NRG1: variants seen among roughly 807,000 people sequenced by gnomAD.
NRG1 encodes neuregulin 1, also known as pro-neuregulin-1, membrane-bound isoform.
Under a neutral mutation model 63.8 loss-of-function variants are expected in NRG1, and 18 were observed. The ratio of observed to expected loss-of-function variants is 0.28; its 90% CI spans 0.19 to 0.42. NRG1 has a LOEUF of 0.42. Among genes scored for constraint, NRG1 ranks in the 10% least tolerant of loss-of-function variants. The pLI is 1.00. For missense variants in NRG1, 762 were observed against 814.7 expected, an observed-to-expected ratio of 0.94 and a Z score of 0.79; for synonymous variants, 302 against 301.3, an observed-to-expected ratio of 1.00 and a Z score of -0.02.
At chr8:31,756,091 T>A (rs1181915722) in intron 1 of NRG1, among the ~76,000 whole-genome samples, 1 of 152,054 alleles carries the variant, frequency 6.6e-6, no homozygotes, top group African/African-American at 2.4e-5. Context: ...TGCAAGATCC[T>A]TACAGTCATA....
chr8:32,582,739 T>G lies in NRG1; in HGVS notation c.101-13089T>G, dbSNP rs143681992. Among the ~76,000 whole-genome samples the G allele has an allele frequency of 3.9e-3, 600 of 152,332 alleles. 1 individual carries two copies. Among genetic ancestry groups the G allele is most frequent in the Middle Eastern group, 0.02 (6 of 294 alleles). ...CTTTGTGTTGTCTCCTGAGTCATTT[T>G]CCTGTATAGCCCCGCTGAATAAGCA... On this transcript the variant is annotated intron_variant, in intron 1 of 11. Transcript: ENST00000356819.
At chr8:32,667,783 C>A in intron 5 of NRG1, among the ~76,000 whole-genome samples, 1 of 152,120 alleles carries the variant, frequency 6.6e-6, no homozygotes, top group Non-Finnish European at 1.5e-5. Flanking sequence ...CTGACACACC[C>A]AAACTATTTC....
intron 1 of NRG1, among the ~76,000 whole-genome samples, chr8:31,895,311 G>A (rs1831492159): frequency 6.6e-6 from 1 of 152,252 alleles, no homozygotes; most frequent in Admixed American, 6.5e-5. Flanking sequence ...TTGGCAGAAT[G>A]TCTGCAATTA....
chr8:32,091,164 G>A (rs1168743947), intron 1 of NRG1, among the ~76,000 whole-genome samples: 1 of 151,474 alleles, frequency 6.6e-6, no homozygotes, highest in East Asian at 1.9e-4. Context: ...TGTAGTCCCA[G>A]CTACTCAGGT....
At chr8:31,716,654 C>T (rs1354796090) in intron 1 of NRG1, among the ~76,000 whole-genome samples, 1 of 152,156 alleles carries the variant, frequency 6.6e-6, no homozygotes, top group Non-Finnish European at 1.5e-5. Context: ...AAATATGTCC[C>T]TCAGCTCTAG....
chr8:31,928,708 T>C (rs941894150), intron 1 of NRG1, among the ~76,000 whole-genome samples: 1 of 151,396 alleles, frequency 6.6e-6, no homozygotes, highest in Admixed American at 6.6e-5. Context: ...AAGAATGAAA[T>C]AATATCTTTT....
At chr8:32,548,702 C>A (rs764491027) in exon 1 of NRG1, 4 of 1,561,938 alleles carry the variant, frequency 2.6e-6, no homozygotes, top group Non-Finnish European at 3.5e-6. Flanking sequence ...GAGCCGTCCG[C>A]GTAGAGCGCT....
At chr8:32,140,323 C>T (rs1836080156) in intron 1 of NRG1, among the ~76,000 whole-genome samples, 1 of 152,018 alleles carries the variant, frequency 6.6e-6, no homozygotes, top group Admixed American at 6.6e-5. Flanking sequence ...TCCTTCCTGC[C>T]TATCCAACCT....
chr8:31,772,543 A>G (rs956375906), intron 1 of NRG1, among the ~76,000 whole-genome samples: 1 of 152,124 alleles, frequency 6.6e-6, no homozygotes, highest in Non-Finnish European at 1.5e-5. Context: ...AAATAATAAA[A>G]TTGCCTTGGT....
chr8:32,159,427 T>A (rs4733300), intron 1 of NRG1, among the ~76,000 whole-genome samples: 7 of 147,966 alleles, frequency 4.7e-5, no homozygotes, highest in African/African-American at 1.0e-4. Context: ...CCAGCTACTC[T>A]GGAGGCTGAG....
chr8:32,519,266 G>A (rs1198269295), intron 1 of NRG1, among the ~76,000 whole-genome samples: 2 of 152,060 alleles, frequency 1.3e-5, no homozygotes, highest in African/African-American at 4.8e-5. Context: ...AAAACAAAAA[G>A]AAATAGCTCT....
chr8:32,599,877 G>A (rs1844015605), intron 2 of NRG1, among the ~76,000 whole-genome samples: 1 of 152,088 alleles, frequency 6.6e-6, no homozygotes, highest in Admixed American at 6.6e-5. Flanking sequence ...AAAATTGGCT[G>A]TCATTGGTTA....
At chr8:32,432,612 C>T (rs181870090) in intron 1 of NRG1, among the ~76,000 whole-genome samples, 40 of 152,168 alleles carry the variant, frequency 2.6e-4, no homozygotes, top group Non-Finnish European at 5.1e-4. Flanking sequence ...CAGGTTCAAG[C>T]GATTCTTGTT....
At chr8:32,206,299 C>T (rs1490282345) in intron 1 of NRG1, among the ~76,000 whole-genome samples, 1 of 152,066 alleles carries the variant, frequency 6.6e-6, no homozygotes, top group Non-Finnish European at 1.5e-5. Context: ...CCTTCAGTAC[C>T]TAATGGCTCT....
chr8:31,912,566 C>CTTTTTT (rs3052846), intron 1 of NRG1, among the ~76,000 whole-genome samples: 2 of 105,624 alleles, frequency 1.9e-5, no homozygotes, highest in African/African-American at 7.2e-5. Flanking sequence ...TTTAGAAATG[C>CTTTTTT]TTTTTTTTTT....
chr8:32,215,047 T>G (rs1049977470), intron 1 of NRG1, among the ~76,000 whole-genome samples: 1 of 152,238 alleles, frequency 6.6e-6, no homozygotes. Context: ...CCCAGTCAAA[T>G]TGGAATTTCA....
chr8:31,881,905 A>G lies in NRG1; in HGVS notation c.37+242474A>G, dbSNP rs576715618. Among the ~76,000 whole-genome samples, 76 of 152,328 alleles carry G rather than the reference A, an allele frequency of 5.0e-4. 1 individual carries two copies. Among genetic ancestry groups the G allele is most frequent in the African/African-American group, 1.6e-3 (66 of 41,586 alleles). On this transcript the variant is annotated intron_variant, in intron 1 of 10. Coordinates refer to the NRG1 transcript ENST00000519301. The stretch of plus-strand genomic sequence containing the variant: ...AGGTTTAAGGAAAGAAGCCATCCTC[A>G]TAGCATAAAAGTGCAAGGTGGTGCA...
At chr8:32,184,479 G>C (rs1841768116) in intron 1 of NRG1, among the ~76,000 whole-genome samples, 1 of 151,998 alleles carries the variant, frequency 6.6e-6, no homozygotes, top group African/African-American at 2.4e-5. Context: ...GTATTGTGTT[G>C]ATAGGAGAGT....
chr8:32,716,601 G>A (rs1328416695), intron 5 of NRG1, among the ~76,000 whole-genome samples: 1 of 152,116 alleles, frequency 6.6e-6, no homozygotes, highest in Non-Finnish European at 1.5e-5. Flanking sequence ...TATAACTAAG[G>A]TCCTATGTAT....
Sources: allele counts gnomAD v4.1 joint callset (sites outside exome capture counted in the v4.1 genomes callset), GRCh38; gene constraint gnomAD v4.1.1; transcripts MANE v1.5; gene names NCBI Gene and HGNC (gene_info 2026-07-23, HGNC 2026-07-21).